The following CACNA1C variants were observed in gnomAD, a reference collection of about 807,000 sequenced individuals.
CACNA1C encodes calcium voltage-gated channel subunit alpha1 C.
Under a neutral mutation model 229.0 loss-of-function variants are expected in CACNA1C, and 30 were observed. That is an observed-to-expected ratio of 0.13 (90% CI 0.10 to 0.18). The LOEUF is 0.18. Ranked by LOEUF, CACNA1C falls within the 10% of genes least tolerant of loss-of-function variation. The pLI is 1.00. For synonymous variants in CACNA1C, 1,114 were observed against 1,132.5 expected (o/e 0.98, Z 0.33); for missense variants, 1,658 against 2,845.0 (o/e 0.58, Z 9.49).
At chr12:2,524,945 C>G (rs1006979880) in intron 9 of CACNA1C, among the ~76,000 whole-genome samples, 6 of 152,136 alleles carry the variant, frequency 3.9e-5, no homozygotes, top group Admixed American at 2.6e-4. Context: ...AAGATCGCAA[C>G]CGGACCTTCT....
intron 1 of CACNA1C, among the ~76,000 whole-genome samples, chr12:2,011,954 T>C (rs1268079560): frequency 4.3e-5 from 5 of 116,770 alleles, no homozygotes; most frequent in Non-Finnish European, 1.0e-4. Context: ...AAGAAGCAGT[T>C]GGGAAAGAGT....
At chr12:2,546,153 G>A (rs2099880535) in intron 9 of CACNA1C, among the ~76,000 whole-genome samples, 1 of 152,178 alleles carries the variant, frequency 6.6e-6, no homozygotes, top group South Asian at 2.1e-4. Context: ...GCAGTGGCTG[G>A]TGTCTTCACA....
chr12:2,236,918 G>T (rs2067613021), intron 3 of CACNA1C, among the ~76,000 whole-genome samples: 1 of 152,186 alleles, frequency 6.6e-6, no homozygotes, highest in African/African-American at 2.4e-5. Flanking sequence ...CCTCCCTCCA[G>T]TCCTGCAGTT....
At chr12:2,487,332 C>G (rs1232126948) in intron 6 of CACNA1C, among the ~76,000 whole-genome samples, 1 of 151,158 alleles carries the variant, frequency 6.6e-6, no homozygotes, top group African/African-American at 2.4e-5. Context: ...AGTCCCAGCA[C>G]TCAGTTAAAT....
At chr12:2,669,437 T>A (rs1484995466) in intron 38 of CACNA1C, among the ~76,000 whole-genome samples, 1 of 152,154 alleles carries the variant, frequency 6.6e-6, no homozygotes, top group East Asian at 1.9e-4. Context: ...GCCCATGGGC[T>A]GCAGGTTAGA....
intron 5 of CACNA1C, among the ~76,000 whole-genome samples, chr12:2,458,051 C>A (rs2099452378): frequency 6.6e-6 from 1 of 152,182 alleles, no homozygotes; most frequent in African/African-American, 2.4e-5. Context: ...TGGCTAATCT[C>A]CGAGGCTCCA....
intron 3 of CACNA1C, among the ~76,000 whole-genome samples, chr12:2,138,565 G>C (rs922815318): frequency 6.6e-5 from 10 of 151,112 alleles, no homozygotes; most frequent in African/African-American, 2.4e-4. Context: ...AGAGAGAGCA[G>C]GTAAGAGAGT....
chr12:2,475,567 A>G (rs1353804933), intron 5 of CACNA1C, among the ~76,000 whole-genome samples: 1 of 152,262 alleles, frequency 6.6e-6, no homozygotes, highest in Non-Finnish European at 1.5e-5. Flanking sequence ...GAAATGAAGA[A>G]TACAATCACT....
intron 3 of CACNA1C, among the ~76,000 whole-genome samples, chr12:2,314,064 C>A (rs983602715): frequency 1.3e-4 from 20 of 152,212 alleles, no homozygotes; most frequent in Admixed American, 5.2e-4. Context: ...TCCTCCCCCC[C>A]ACTTCTTATT....
intron 1 of CACNA1C, among the ~76,000 whole-genome samples, chr12:2,020,687 G>T (rs1045888183): frequency 6.6e-6 from 1 of 152,186 alleles, no homozygotes; most frequent in African/African-American, 2.4e-5. Flanking sequence ...AGGGCCATGG[G>T]AGGAATAAAA....
chr12:2,355,242 G>C (rs114889118), intron 3 of CACNA1C, among the ~76,000 whole-genome samples: 2,608 of 152,260 alleles, frequency 0.017, 70 homozygotes, highest in African/African-American at 0.06. Context: ...TCCTCCGGAG[G>C]GGGAGAAGCT....
chr12:2,429,963 G>A (rs2099067164), intron 3 of CACNA1C, among the ~76,000 whole-genome samples: 1 of 152,130 alleles, frequency 6.6e-6, no homozygotes, highest in South Asian at 2.1e-4. Context: ...TGTAAACTGG[G>A]GTATTTCCTG....
rs893600668 is a variant in CACNA1C, at chr12:2,418,325, C to T, written c.478-30651C>T. ...TAAATACAACAGGTGCAAGTTCAGA[C>T]GCTCCAAGGAGAGCAACCACTGCCA... On this transcript the variant is annotated intron_variant, in intron 3 of 46. Transcript: ENST00000399655. Among the ~76,000 whole-genome samples, 105 of 152,186 alleles carry T rather than the reference C, an allele frequency of 6.9e-4. 6 individuals carry two copies. The highest frequency in any genetic ancestry group is 4.1e-4 in the South Asian group (2 of 4,830).
At chr12:2,247,474 G>A (rs947703499) in intron 3 of CACNA1C, among the ~76,000 whole-genome samples, 1 of 152,140 alleles carries the variant, frequency 6.6e-6, no homozygotes, top group African/African-American at 2.4e-5. Flanking sequence ...GGGAGAAATC[G>A]ACCATGCCAT....
intron 1 of CACNA1C, among the ~76,000 whole-genome samples, chr12:2,098,435 A>G (rs727268): frequency 0.55 from 84,264 of 152,100 alleles, 24,585 homozygotes; most frequent in Non-Finnish European, 0.64. Context: ...GAGTGGCACA[A>G]ATAGGCTGTG....
At position 2,686,216 on chromosome 12, in the gene CACNA1C, G is replaced by A. The variant is rs374528680; in HGVS notation, c.5731G>A (p.Gly1911Arg). Residue 1911 changes from glycine (G) to arginine (R), a missense_variant, in exon 45 of 47, where the codon GGG becomes AGG. Gly to Arg is a moderately radical substitution (Grantham distance 125). This residue lies in a region of CACNA1C where 590 missense variants were observed against 700.8 expected (regional missense o/e 0.84). Transcript: ENST00000399655. ...LECLKRQKDRGGDISQKTVLP... is the reference protein window; with the variant it reads ...LECLKRQKDRRGDISQKTVLP... ...ATGTCTGAAGCGACAGAAGGACCGA[G>A]GGGGAGACATCTCTCAGAAGACAGT... is the stretch of plus-strand genomic sequence containing the variant. The A allele has an allele frequency of 8.1e-6, 13 of 1,613,618 alleles. No homozygotes were observed. Among genetic ancestry groups the A allele is most frequent in the Non-Finnish European group, 1.0e-5 (12 of 1,179,864 alleles).
intron 3 of CACNA1C, among the ~76,000 whole-genome samples, chr12:2,210,861 T>G (rs2097898891): frequency 6.6e-6 from 1 of 152,162 alleles, no homozygotes; most frequent in East Asian, 1.9e-4. Context: ...TATCATCTCC[T>G]CTCTGGTAAC....
chr12:2,136,934 G>A (rs866154445), intron 3 of CACNA1C, among the ~76,000 whole-genome samples: 6 of 151,486 alleles, frequency 4.0e-5, no homozygotes, highest in Admixed American at 6.6e-5. Flanking sequence ...GACCCTTCTC[G>A]TGGACTGAGT....
At chr12:2,559,374 A>G (rs1185233478) in intron 11 of CACNA1C, among the ~76,000 whole-genome samples, 2 of 152,260 alleles carry the variant, frequency 1.3e-5, no homozygotes, top group Admixed American at 1.3e-4. Context: ...CTCTGGGAAC[A>G]TTATTTTCAT....
Sources: allele counts gnomAD v4.1 joint callset (sites outside exome capture counted in the v4.1 genomes callset), GRCh38; gene constraint gnomAD v4.1.1; regional missense constraint gnomAD v4.1.1; transcripts MANE v1.5; gene names NCBI Gene and HGNC (gene_info 2026-07-23, HGNC 2026-07-21).